The following MAST2 variants were observed in gnomAD, a reference collection of about 807,000 sequenced individuals.
The protein encoded by MAST2 is microtubule-associated serine/threonine-protein kinase 2.
A neutral mutation model predicts 147.4 loss-of-function variants in MAST2; 70 were observed. The observed-to-expected ratio is 0.47, with a 90% CI of 0.39 to 0.58. The LOEUF (loss-of-function observed/expected upper bound fraction) is 0.58. Ranked by LOEUF, MAST2 falls within the 20% of genes least tolerant of loss-of-function variation. The probability of loss-of-function intolerance (pLI) is 0.00; values close to 1 mark genes in which losing one functional copy is unlikely to be tolerated. For synonymous variants in MAST2, 869 were observed against 896.8 expected (o/e 0.97, Z 0.55); for missense variants, 2,080 against 2,302.3 (o/e 0.90, Z 1.98).
chr1:45,923,791 T>C (rs556341313), intron 4 of MAST2, among the ~76,000 whole-genome samples: 2 of 152,344 alleles, frequency 1.3e-5, no homozygotes, highest in South Asian at 4.1e-4. Context: ...TAATAAATCC[T>C]CCAATCCTGG....
At chr1:46,029,148 C>G in intron 18 of MAST2, 2 of 572,294 alleles carry the variant, frequency 3.5e-6, no homozygotes, top group South Asian at 5.3e-5. Context: ...CTCATAGACA[C>G]CTGGTCTCTC....
At chr1:45,936,410 G>A (rs1300486682) in intron 4 of MAST2, among the ~76,000 whole-genome samples, 3 of 152,232 alleles carry the variant, frequency 2.0e-5, no homozygotes, top group South Asian at 2.1e-4. Flanking sequence ...ATGTGGAATA[G>A]GAGTGGTGAG....
intron 4 of MAST2, among the ~76,000 whole-genome samples, chr1:45,930,253 G>A (rs1655059225): frequency 6.6e-6 from 1 of 151,930 alleles, no homozygotes; most frequent in South Asian, 2.1e-4. Flanking sequence ...AATTTTTTTT[G>A]TATTTTTAGT....
At chr1:45,858,271 C>T (rs867678326) in intron 3 of MAST2, among the ~76,000 whole-genome samples, 6 of 152,194 alleles carry the variant, frequency 3.9e-5, no homozygotes, top group Middle Eastern at 6.8e-3. Flanking sequence ...CTCTCCAGCA[C>T]CTGTTGTTTC....
intron 3 of MAST2, among the ~76,000 whole-genome samples, chr1:45,855,404 C>A (rs1645755339): frequency 6.7e-6 from 1 of 150,066 alleles, no homozygotes; most frequent in South Asian, 2.1e-4. Context: ...ATTTTTAATT[C>A]TTTTCATCAG....
intron 3 of MAST2, among the ~76,000 whole-genome samples, chr1:45,878,126 C>T (rs1381309545): frequency 6.6e-6 from 1 of 150,480 alleles, no homozygotes. Flanking sequence ...ATCACTTGAA[C>T]CTGGGAGGCA....
chr1:45,862,687 C>A (rs1646021516), intron 3 of MAST2, among the ~76,000 whole-genome samples: 1 of 152,050 alleles, frequency 6.6e-6, no homozygotes, highest in African/African-American at 2.4e-5. Flanking sequence ...CCAGGCTGGT[C>A]TCGAACTCCT....
chr1:46,034,012 G>A, intron 27 of MAST2, 61 bp from the exon 28 acceptor site: 3 of 1,605,330 alleles, frequency 1.9e-6, no homozygotes, highest in Admixed American at 1.7e-5. Flanking sequence ...CCTTGGCCCT[G>A]GGGGTCCAGT....
At chr1:45,812,583 C>A (rs941666741) in intron 1 of MAST2, among the ~76,000 whole-genome samples, 2 of 152,062 alleles carry the variant, frequency 1.3e-5, no homozygotes, top group African/African-American at 4.8e-5. Context: ...TGTGCCACCA[C>A]GCCTGGGTAA....
chr1:45,997,213 T>A (rs889105549), intron 5 of MAST2, among the ~76,000 whole-genome samples: 1 of 152,300 alleles, frequency 6.6e-6, no homozygotes, highest in East Asian at 1.9e-4. Context: ...CGAACTATCT[T>A]AAGGTTTACT....
chr1:46,028,495 CCATTGTGGGATCA>C (rs1646505707), intron 17 of MAST2, among the ~76,000 whole-genome samples: 1 of 152,106 alleles, frequency 6.6e-6, no homozygotes, highest in South Asian at 2.1e-4. Flanking sequence ...GTGCAGAGGC[CCATTGTGGGATCA>C]CATGCCAGAG....
intron 4 of MAST2, among the ~76,000 whole-genome samples, chr1:45,947,980 T>G (rs1475097688): frequency 6.6e-6 from 1 of 152,210 alleles, no homozygotes; most frequent in Non-Finnish European, 1.5e-5. Context: ...CTTCCCAAAG[T>G]GCTGGGATTA....
At chr1:45,805,052 A>ATT (rs10681055) in intron 1 of MAST2, among the ~76,000 whole-genome samples, 61,653 of 143,412 alleles carry the variant, frequency 0.43, 13,735 homozygotes, top group East Asian at 0.61. Context: ...TTCCTTAGAC[A>ATT]TTTTTTTTTT....
At chr1:45,850,964 A>G (rs1645607328) in intron 3 of MAST2, among the ~76,000 whole-genome samples, 1 of 149,196 alleles carries the variant, frequency 6.7e-6, no homozygotes, top group Non-Finnish European at 1.5e-5. Context: ...TTTTGGTTTC[A>G]TGTAAATTTT....
intron 4 of MAST2, among the ~76,000 whole-genome samples, chr1:45,888,663 C>CTTTTTTTTTTTTTTTTTTTTTTTTT (rs71587722): frequency 2.1e-4 from 10 of 48,724 alleles, no homozygotes; most frequent in East Asian, 1.2e-3. Flanking sequence ...CGCGCGGCCT[C>CTTTTTTTTTTTTTTTTTTTTTTTTT]TTTTTTTTTT....
intron 2 of MAST2, among the ~76,000 whole-genome samples, chr1:45,824,916 G>A (rs6672898): frequency 0.45 from 67,724 of 152,090 alleles, 15,286 homozygotes; most frequent in East Asian, 0.62. Flanking sequence ...ACTCATAGTG[G>A]CCTCTACCGC....
chr1:45,904,135 G>A (rs146299779), intron 4 of MAST2, among the ~76,000 whole-genome samples: 188 of 151,884 alleles, frequency 1.2e-3, no homozygotes, highest in South Asian at 3.3e-3. Context: ...CTAGTAGCTG[G>A]GACTATAGGT....
intron 8 of MAST2, 23 bp downstream of exon 8, chr1:46,006,418 G>C: frequency 6.2e-7 from 1 of 1,601,576 alleles, no homozygotes; most frequent in South Asian, 1.1e-5. Flanking sequence ...TCTGCCCACT[G>C]TTCCAGTGCA....
chr1:46,027,159 A>G (rs1218801121), intron 16 of MAST2, among the ~76,000 whole-genome samples: 2 of 152,160 alleles, frequency 1.3e-5, no homozygotes, highest in Admixed American at 6.5e-5. Context: ...CAGAGGTACT[A>G]TTTGGGGAAT....
Sources: gnomAD v4.1 joint callset for allele counts (sites outside exome capture counted in the v4.1 genomes callset) on GRCh38, gnomAD v4.1.1 for gene constraint, MANE v1.5 for transcripts, NCBI Gene and HGNC (gene_info 2026-07-23, HGNC 2026-07-21) for gene names.